PGM5: variants seen among roughly 807,000 people sequenced by gnomAD.
PGM5 encodes the protein phosphoglucomutase 5.
Under a neutral mutation model 59.2 loss-of-function variants are expected in PGM5, and 23 were observed. The observed-to-expected ratio is 0.39, with a 90% CI of 0.28 to 0.55. PGM5 has a LOEUF of 0.55. PGM5 is among the 20% of genes least tolerant of loss of function. The pLI, the probability that PGM5 is intolerant of heterozygous loss-of-function variation, is 0.66. For synonymous variants in PGM5, 214 were observed against 286.0 expected (o/e 0.75, Z 2.54); for missense variants, 574 against 748.3 (o/e 0.77, Z 2.72).
At chr9:68,385,052 G>A (rs566220685) in intron 3 of PGM5, among the ~76,000 whole-genome samples, 1 of 152,074 alleles carries the variant, frequency 6.6e-6, no homozygotes, top group African/African-American at 2.4e-5. Context: ...AAGGAATTCA[G>A]TAACTATCAA....
intron 6 of PGM5, among the ~76,000 whole-genome samples, chr9:68,455,868 G>A (rs994612552): frequency 4.6e-5 from 7 of 152,222 alleles, no homozygotes; most frequent in African/African-American, 1.7e-4. Flanking sequence ...TGGAATAGCA[G>A]GGGTCTGAGA....
In PGM5 at chr9:68,460,540, C is replaced by T. The variant is rs78400885; in HGVS notation, c.1044-4553C>T. 6.7e-3 allele frequency among the ~76,000 whole-genome samples: 1,023 copies of T among 152,250 alleles called. 5 individuals carry two copies. Among genetic ancestry groups the T allele is most frequent in the African/African-American group, 0.023 (968 of 41,538 alleles). On this transcript the variant is annotated intron_variant, in intron 6 of 10. Transcript: ENST00000396396. Reference sequence around the variant, plus strand: ...CTGTCTTTCTAAGATATGCCTTTGCCACATCCTGATAGCCTCACTAATTCA... The same window carrying T: ...CTGTCTTTCTAAGATATGCCTTTGCTACATCCTGATAGCCTCACTAATTCA...
At position 68,418,716 on chromosome 9, in the gene PGM5, T is replaced by C. The variant is rs1367643332; in HGVS notation, c.1043+26243T>C. Among the ~76,000 whole-genome samples the C allele has an allele frequency of 1.7e-4, 26 of 151,770 alleles. 1 individual carries two copies. The South Asian group carries it at 5.4e-3, about 32-fold the overall frequency. The stretch of plus-strand genomic sequence containing the variant: ...CTGAATGCCCTCTGAGCCCTGGGGG[T>C]CTTATCAGCTGGCTGCGGCGGGGGT... On this transcript the variant is annotated intron_variant, in intron 6 of 10. Coordinates refer to ENST00000396396, the MANE Select transcript of PGM5 (RefSeq NM_021965.4).
chr9:68,503,274 C>T (rs1489381524), intron 10 of PGM5, among the ~76,000 whole-genome samples: 2 of 152,200 alleles, frequency 1.3e-5, no homozygotes, highest in Non-Finnish European at 2.9e-5. Context: ...ATTGAATACA[C>T]CTAGACTGCA....
At chr9:68,385,759 C>T (rs1292471986) in intron 3 of PGM5, among the ~76,000 whole-genome samples, 3 of 151,990 alleles carry the variant, frequency 2.0e-5, no homozygotes, top group Admixed American at 6.6e-5. Context: ...TATAGTTGTC[C>T]GAGAGACCCG....
intron 6 of PGM5, among the ~76,000 whole-genome samples, chr9:68,409,126 G>A: frequency 1.3e-5 from 2 of 151,788 alleles, no homozygotes; most frequent in South Asian, 4.2e-4. Context: ...ATGAAAAAAT[G>A]CTCATCATCA....
rs182972687 is a variant in PGM5, at chr9:68,359,620, T to A, written c.261+2232T>A. 2.2e-4 allele frequency among the ~76,000 whole-genome samples: 34 copies of A among 152,342 alleles called. No homozygotes were observed. In the East Asian group the frequency reaches 5.8e-3, roughly 26 times the overall value. On this transcript the variant is annotated intron_variant, in intron 1 of 10. Transcript: ENST00000396396. ...GATGAGAATGTGCTTGTCTCCTGAT[T>A]TGGCATCCTGAATTAGACTCAGGAA...
At chr9:68,400,215 T>C (rs1554680453) in intron 6 of PGM5, among the ~76,000 whole-genome samples, 1 of 152,172 alleles carries the variant, frequency 6.6e-6, no homozygotes. Context: ...TAGTGGGCTT[T>C]GAATGCCTGC....
chr9:68,471,054 A>C (rs1554686194), intron 7 of PGM5, among the ~76,000 whole-genome samples: 1 of 152,170 alleles, frequency 6.6e-6, no homozygotes, highest in Non-Finnish European at 1.5e-5. Flanking sequence ...TTGGAATCTC[A>C]ATGGTCCCAG....
intron 10 of PGM5, among the ~76,000 whole-genome samples, chr9:68,516,494 G>A (rs898246151): frequency 2.0e-5 from 3 of 152,196 alleles, no homozygotes; most frequent in African/African-American, 7.2e-5. Flanking sequence ...TAGGCTGTGG[G>A]GTGGCAGTTA....
At chr9:68,429,532 T>C (rs1348727200) in intron 6 of PGM5, among the ~76,000 whole-genome samples, 1 of 152,232 alleles carries the variant, frequency 6.6e-6, no homozygotes, top group Non-Finnish European at 1.5e-5. Context: ...AAGTGCTCAT[T>C]ACTCTTACAG....
intron 10 of PGM5, among the ~76,000 whole-genome samples, chr9:68,522,904 T>G (rs534079994): frequency 7.2e-5 from 11 of 152,258 alleles, no homozygotes; most frequent in Non-Finnish European, 1.2e-4. Flanking sequence ...GGTTTCACCC[T>G]GCTTTCTTAT....
chr9:68,438,793 T>C (rs1554683506), intron 6 of PGM5, among the ~76,000 whole-genome samples: 2 of 152,218 alleles, frequency 1.3e-5, no homozygotes, highest in African/African-American at 4.8e-5. Context: ...CCTCTAGTTC[T>C]GTTTCGAGGA....
chr9:68,502,554 G>C (rs12341862), intron 10 of PGM5, among the ~76,000 whole-genome samples: 2 of 152,314 alleles, frequency 1.3e-5, no homozygotes, highest in East Asian at 1.9e-4. Flanking sequence ...TAATCAGCCC[G>C]TGGCTAATCA....
chr9:68,438,790 T>C (rs559852308), intron 6 of PGM5, among the ~76,000 whole-genome samples: 3 of 152,312 alleles, frequency 2.0e-5, no homozygotes, highest in East Asian at 3.9e-4. Flanking sequence ...AGTCCTCTAG[T>C]TCTGTTTCGA....
In PGM5 at chr9:68,356,939, G is replaced by A. The variant is rs570769500; in HGVS notation, c.-189G>A. ...TCTCTGCCGAGAGAGTCAGCCGAGC[G>A]GCCGCGCGGAGAGGAGGGGCGGGCG... On this transcript the variant is annotated 5_prime_UTR_variant, in exon 1 of 11. Transcript: ENST00000396396. 5.6e-5 allele frequency: 27 copies of A among 478,928 alleles called. No individual in the cohort carries two copies. The South Asian group carries it at 1.1e-3, about 20-fold the overall frequency. The allele number at this position is 478,928 out of a possible 1,614,324, so 29.7% of individuals were successfully genotyped here. A position where few individuals can be genotyped will look rare whatever the true frequency, so the allele number is the denominator to read the frequency against.
At chr9:68,432,533 A>T (rs1823371543) in intron 6 of PGM5, among the ~76,000 whole-genome samples, 1 of 152,024 alleles carries the variant, frequency 6.6e-6, no homozygotes, top group Non-Finnish European at 1.5e-5. Flanking sequence ...TTGACGTTAT[A>T]TTTACACTTT....
At chr9:68,484,340 G>T (rs1201787503) in intron 9 of PGM5, among the ~76,000 whole-genome samples, 1 of 149,180 alleles carries the variant, frequency 6.7e-6, no homozygotes, top group Non-Finnish European at 1.5e-5. Context: ...TTCAAAACCA[G>T]CGTGGGCAAC....
chr9:68,493,442 T>G (rs1554688006), intron 9 of PGM5, among the ~76,000 whole-genome samples: 1 of 152,234 alleles, frequency 6.6e-6, no homozygotes. Flanking sequence ...TGCATATGGT[T>G]CAACCTCAGA....
Sources: gnomAD v4.1 joint callset for allele counts (sites outside exome capture counted in the v4.1 genomes callset) on GRCh38, gnomAD v4.1.1 for gene constraint, MANE v1.5 for transcripts, NCBI Gene and HGNC (gene_info 2026-07-23, HGNC 2026-07-21) for gene names.